The following AGPAT5 variants were observed in gnomAD, a reference collection of about 807,000 sequenced individuals.
AGPAT5 encodes 1-acylglycerol-3-phosphate O-acyltransferase 5, also known as 1-acyl-sn-glycerol-3-phosphate acyltransferase epsilon.
AGPAT5 carries 46 observed loss-of-function variants against 45.6 expected under a neutral mutation model. The observed-to-expected ratio is 1.01, with a 90% CI of 0.80 to 1.29. The LOEUF (loss-of-function observed/expected upper bound fraction) is 1.29, where lower values mean the gene tolerates loss of function less well. AGPAT5 is among the 50% of genes most tolerant of loss of function. AGPAT5 has a pLI of 0.00. For missense variants in AGPAT5, 673 were observed against 450.7 expected, an observed-to-expected ratio of 1.49 and a Z score of -4.47; for synonymous variants, 272 against 167.0, an observed-to-expected ratio of 1.63 and a Z score of -4.85.
At chr8:6,723,437 C>T (rs968557313) in intron 1 of AGPAT5, among the ~76,000 whole-genome samples, 2 of 152,304 alleles carry the variant, frequency 1.3e-5, no homozygotes, top group East Asian at 3.9e-4. Flanking sequence ...TCTTCCCTCC[C>T]TGCCCCTACC....
At chr8:6,717,447 G>A (rs1322688777) in intron 1 of AGPAT5, among the ~76,000 whole-genome samples, 1 of 152,212 alleles carries the variant, frequency 6.6e-6, no homozygotes, top group East Asian at 1.9e-4. Flanking sequence ...ACCACCTACT[G>A]TTAAAAGGTG....
intron 6 of AGPAT5, among the ~76,000 whole-genome samples, chr8:6,754,054 T>G (rs1217039010): frequency 6.6e-6 from 1 of 152,204 alleles, no homozygotes; most frequent in Non-Finnish European, 1.5e-5. Flanking sequence ...GCCAAAGGTC[T>G]CAGCCTCCCA....
chr8:6,750,590 G>A (rs188510358), intron 6 of AGPAT5, among the ~76,000 whole-genome samples: 59 of 152,242 alleles, frequency 3.9e-4, no homozygotes, highest in African/African-American at 1.0e-3. Flanking sequence ...TCCTTCTTGC[G>A]TAAAGTGCAC....
chr8:6,720,783 A>T (rs1038870953), intron 1 of AGPAT5, among the ~76,000 whole-genome samples: 5 of 151,818 alleles, frequency 3.3e-5, no homozygotes, highest in Non-Finnish European at 7.4e-5. Flanking sequence ...GCAAGGAAAA[A>T]CCCCTTGTTG....
chr8:6,714,877 T>C (rs1800269636), intron 1 of AGPAT5, among the ~76,000 whole-genome samples: 1 of 152,234 alleles, frequency 6.6e-6, no homozygotes, highest in Non-Finnish European at 1.5e-5. Flanking sequence ...CTCTTTTGTA[T>C]ATTTGTCTGA....
chr8:6,723,704 T>C (rs1048908336), intron 1 of AGPAT5, among the ~76,000 whole-genome samples: 2 of 152,232 alleles, frequency 1.3e-5, no homozygotes, highest in African/African-American at 2.4e-5. Flanking sequence ...TGTGCAAATG[T>C]TTAAACATAC....
chr8:6,741,576 C>G, intron 4 of AGPAT5, 85 bp from the exon 5 acceptor site: 1 of 861,974 alleles, frequency 1.2e-6, no homozygotes, highest in Non-Finnish European at 1.8e-6. Flanking sequence ...ACTCTGTTAG[C>G]ATTAGTAGGT....
At chr8:6,736,407 G>A (rs1045897809) in intron 4 of AGPAT5, among the ~76,000 whole-genome samples, 1 of 152,136 alleles carries the variant, frequency 6.6e-6, no homozygotes, top group African/African-American at 2.4e-5. Flanking sequence ...TGTCAAATCT[G>A]TTATTTTGGT....
chr8:6,722,939 AAAAC>A (rs1800557224), intron 1 of AGPAT5, among the ~76,000 whole-genome samples: 2 of 152,246 alleles, frequency 1.3e-5, no homozygotes, highest in Non-Finnish European at 1.5e-5. Context: ...AGAGTTATGA[AAAAC>A]AAAAAGAAAA....
At chr8:6,732,347 G>A (rs1199461209) in intron 3 of AGPAT5, among the ~76,000 whole-genome samples, 1 of 152,182 alleles carries the variant, frequency 6.6e-6, no homozygotes, top group South Asian at 2.1e-4. Flanking sequence ...TTCCAATACA[G>A]TGTCACATGC....
intron 5 of AGPAT5, among the ~76,000 whole-genome samples, chr8:6,743,735 C>G (rs1801321975): frequency 6.7e-6 from 1 of 149,770 alleles, no homozygotes; most frequent in African/African-American, 2.4e-5. Context: ...GTATCTTAAT[C>G]TGCCACCTGG....
intron 2 of AGPAT5, among the ~76,000 whole-genome samples, chr8:6,726,496 G>T (rs1033459779): frequency 1.3e-5 from 2 of 152,168 alleles, no homozygotes; most frequent in South Asian, 4.2e-4. Context: ...TTGTGGAGTG[G>T]GTTCTCTGAA....
chr8:6,754,837 G>A (rs2116966462), intron 6 of AGPAT5, among the ~76,000 whole-genome samples: 1 of 152,194 alleles, frequency 6.6e-6, no homozygotes, highest in African/African-American at 2.4e-5. Context: ...AGTTGACTTA[G>A]AAATTATAAC....
chr8:6,726,873 G>C (rs1800705301), intron 2 of AGPAT5, among the ~76,000 whole-genome samples: 1 of 152,162 alleles, frequency 6.6e-6, no homozygotes, highest in Non-Finnish European at 1.5e-5. Flanking sequence ...AATTCTGTAA[G>C]TTGAGAAAAT....
At chr8:6,731,300 T>A (rs972910955) in intron 3 of AGPAT5, among the ~76,000 whole-genome samples, 1 of 152,212 alleles carries the variant, frequency 6.6e-6, no homozygotes. Flanking sequence ...TACGTCTGAT[T>A]ATCCATATGC....
At chr8:6,745,266 C>T (rs1801401048) in intron 5 of AGPAT5, 1 of 154,350 alleles carries the variant, frequency 6.5e-6, no homozygotes, top group Admixed American at 6.5e-5. Flanking sequence ...TTCCGTCTAC[C>T]CTGTCTCCAT....
chr8:6,734,546 C>G, intron 4 of AGPAT5, among the ~76,000 whole-genome samples: 1 of 152,156 alleles, frequency 6.6e-6, no homozygotes, highest in South Asian at 2.1e-4. Flanking sequence ...ATTATACTTG[C>G]AGTTCTCTTA....
intron 1 of AGPAT5, among the ~76,000 whole-genome samples, chr8:6,719,409 CT>C (rs1467339996): frequency 6.6e-6 from 1 of 152,188 alleles, no homozygotes; most frequent in African/African-American, 2.4e-5. Flanking sequence ...AATTCAATAT[CT>C]GATGAAAAGA....
At position 6,708,833 on chromosome 8, in the gene AGPAT5, C is replaced by T. The variant is rs1233471348; in HGVS notation, c.165C>T (p.Tyr55=). ...RFYQALDDRL[Y]CVYQSMVLFF... is the part of the protein sequence containing the mutation. The stretch of plus-strand genomic sequence containing the variant: ...ACCAAGCGCTGGACGACCGGCTCTA[C>T]TGCGTCTACCAGAGCATGGTGCTCT... The change falls in exon 1 of 8, where the codon TAC becomes TAT. Residue 55 remains tyrosine, a synonymous_variant. Transcript: ENST00000285518. 1 of 1,611,732 alleles carries T rather than the reference C, an allele frequency of 6.2e-7. No homozygotes were observed. Among genetic ancestry groups the T allele is most frequent in the Non-Finnish European group, 8.5e-7 (1 of 1,179,682 alleles).
Sources: gnomAD v4.1 joint callset for allele counts (sites outside exome capture counted in the v4.1 genomes callset) on GRCh38, gnomAD v4.1.1 for gene constraint, MANE v1.5 for transcripts, NCBI Gene and HGNC (gene_info 2026-07-23, HGNC 2026-07-21) for gene names.